Variants in ARMC9 observed in about 807,000 individuals in gnomAD.
ARMC9 encodes the protein lisH domain-containing protein ARMC9.
In ARMC9, 94 loss-of-function variants were observed where a neutral mutation model predicts 107.0. The observed-to-expected ratio is 0.88, with a 90% CI of 0.74 to 1.04. The LOEUF (loss-of-function observed/expected upper bound fraction) is 1.04. Ranked by LOEUF, ARMC9 falls within the 50% of genes least tolerant of loss-of-function variation. The pLI, the probability that ARMC9 is intolerant of heterozygous loss-of-function variation, is 0.00. For synonymous variants in ARMC9, 380 were observed against 396.9 expected (o/e 0.96, Z 0.51); for missense variants, 942 against 1,030.1 (o/e 0.91, Z 1.17).
intron 12 of ARMC9, among the ~76,000 whole-genome samples, chr2:231,263,705 A>G (rs191884202): frequency 6.6e-6 from 1 of 152,296 alleles, no homozygotes; most frequent in Admixed American, 6.5e-5. Flanking sequence ...TTGCCAGTTT[A>G]CTCTGTGAAT....
At chr2:231,282,764 T>C (rs1176488383) in intron 17 of ARMC9, among the ~76,000 whole-genome samples, 2 of 152,252 alleles carry the variant, frequency 1.3e-5, no homozygotes, top group Non-Finnish European at 2.9e-5. Flanking sequence ...AATCTTCTCA[T>C]TGATCATTTA....
chr2:231,276,915 C>A, intron 15 of ARMC9, 140 bp downstream of exon 15: 1 of 1,244,808 alleles, frequency 8.0e-7, no homozygotes, highest in Non-Finnish European at 1.1e-6. Flanking sequence ...AAAGCATTTC[C>A]AACTAGGTAT....
chr2:231,333,615 G>A (rs6719593), intron 20 of ARMC9, among the ~76,000 whole-genome samples: 31,960 of 152,208 alleles, frequency 0.21, 9,134 homozygotes, highest in African/African-American at 0.65. Context: ...CTTTGGAAGA[G>A]CGCTGGTTTT....
Position 231,218,757 on chromosome 2 carries a change from GT to G in ARMC9, c.504+1975del, listed in dbSNP as rs201588911. On this transcript the variant is annotated intron_variant, in intron 5 of 24. Transcript: ENST00000611582. ...GTATACATAATCAAGTCAGTCTTTTGTTTTTTTTTTTGAGATGGAGTTTCAC... is the reference window on the plus strand; with the variant it reads ...GTATACATAATCAAGTCAGTCTTTTGTTTTTTTTTTGAGATGGAGTTTCAC... Among the ~76,000 whole-genome samples the G allele has an allele frequency of 9.5e-3, 1,373 of 144,956 alleles. 6 individuals are homozygous for G. Among genetic ancestry groups the G allele is most frequent in the Non-Finnish European group, 0.015 (966 of 65,618 alleles).
intron 7 of ARMC9, among the ~76,000 whole-genome samples, chr2:231,231,805 C>T (rs2035249536): frequency 6.6e-6 from 1 of 151,902 alleles, no homozygotes; most frequent in African/African-American, 2.4e-5. Flanking sequence ...TGTCCTGCCT[C>T]AGCCTCCCAA....
intron 3 of ARMC9, among the ~76,000 whole-genome samples, chr2:231,214,121 A>C (rs1001023314): frequency 6.6e-6 from 1 of 152,248 alleles, no homozygotes; most frequent in Non-Finnish European, 1.5e-5. Context: ...ATGCTGAATC[A>C]TGATGCTGTC....
intron 19 of ARMC9, among the ~76,000 whole-genome samples, chr2:231,320,883 A>G (rs1364694272): frequency 6.6e-6 from 1 of 152,238 alleles, no homozygotes; most frequent in Non-Finnish European, 1.5e-5. Flanking sequence ...AAGCCTCTCT[A>G]TACCTGCCAG....
intron 10 of ARMC9, among the ~76,000 whole-genome samples, chr2:231,257,917 G>A (rs544771155): frequency 2.6e-5 from 4 of 152,196 alleles, no homozygotes; most frequent in South Asian, 4.2e-4. Context: ...ACGTGAAGAC[G>A]CTTGTTTTAG....
chr2:231,255,302 G>A lies in ARMC9; in HGVS notation c.880-1284G>A, dbSNP rs2037674794. On this transcript the variant is annotated intron_variant, in intron 9 of 24. Transcript: ENST00000611582. This position sits in a 1 kb window ranked among gnomAD's most constrained non-coding sequence, Gnocchi z 4.7. ...GATCAGGATTAAAAGAGAGTGGGGT[G>A]GAAGAGGGGTTGTTAATGTTTTTTA... Among the ~76,000 whole-genome samples, 1 of 152,050 alleles carries A rather than the reference G, an allele frequency of 6.6e-6. No homozygotes were observed. The highest frequency in any genetic ancestry group is 6.6e-5 in the Admixed American group (1 of 15,256).
rs2046035242 is a variant in ARMC9, at chr2:231,371,918, G to A, written c.*383G>A. The A allele has an allele frequency of 4.9e-6, 1 of 205,578 alleles. No individual in the cohort carries two copies. The highest frequency in any genetic ancestry group is 6.0e-5 in the Admixed American group (1 of 16,786). The allele number at this position is 205,578 out of a possible 1,614,324, so 12.7% of individuals were successfully genotyped here. A position where few individuals can be genotyped will look rare whatever the true frequency, so the allele number is the denominator to read the frequency against. The stretch of plus-strand genomic sequence containing the variant: ...AGGCCCCAACAGGGCGACAGTGTAG[G>A]GCCAGCCTGGAGCAGGGCTTTTCCA... On this transcript the variant is annotated 3_prime_UTR_variant, in exon 25 of 25. Transcript: ENST00000611582.
At chr2:231,249,194 G>T (rs1022281752) in intron 9 of ARMC9, among the ~76,000 whole-genome samples, 2 of 152,068 alleles carry the variant, frequency 1.3e-5, no homozygotes, top group Non-Finnish European at 2.9e-5. Flanking sequence ...TTAGAGCAGC[G>T]TTTTCCAAAG....
intron 17 of ARMC9, among the ~76,000 whole-genome samples, chr2:231,282,755 A>G (rs1282621150): frequency 6.6e-6 from 1 of 152,260 alleles, no homozygotes; most frequent in Non-Finnish European, 1.5e-5. Context: ...GAATTGCTAA[A>G]TCTTCTCATT....
intron 6 of ARMC9, among the ~76,000 whole-genome samples, chr2:231,223,658 A>G (rs2034364368): frequency 6.6e-6 from 1 of 152,118 alleles, no homozygotes. Flanking sequence ...AAAGCATTTG[A>G]CTTTCTTGAC....
intron 5 of ARMC9, among the ~76,000 whole-genome samples, chr2:231,220,577 A>G (rs2034015978): frequency 6.7e-6 from 1 of 148,796 alleles, no homozygotes; most frequent in Admixed American, 6.8e-5. Context: ...AGTTTGGGCA[A>G]CAGAGCGAGA....
At chr2:231,240,121 GA>G (rs2036159875) in intron 9 of ARMC9, 80 bp downstream of exon 9, 2 of 1,216,632 alleles carry the variant, frequency 1.6e-6, no homozygotes, top group African/African-American at 1.5e-5. Context: ...AAAATAGCAT[GA>G]AAAAATAACA....
intron 9 of ARMC9, 25 bp downstream of exon 9, chr2:231,240,066 G>T (rs1460696726): frequency 1.9e-6 from 3 of 1,583,246 alleles, no homozygotes; most frequent in Non-Finnish European, 2.6e-6. Context: ...TCAGGGCAGG[G>T]TGCCCGTGGT....
chr2:231,361,666 G>T (rs547724967), intron 23 of ARMC9, among the ~76,000 whole-genome samples: 49 of 152,138 alleles, frequency 3.2e-4, no homozygotes, highest in African/African-American at 1.1e-3. Context: ...GCCTGGCCTG[G>T]GTCTCAGACC....
chr2:231,332,195 C>T, intron 20 of ARMC9, among the ~76,000 whole-genome samples: 1 of 152,202 alleles, frequency 6.6e-6, no homozygotes, highest in East Asian at 1.9e-4. Flanking sequence ...CCTACCATCC[C>T]ACTTTTTAAT....
intron 19 of ARMC9, among the ~76,000 whole-genome samples, chr2:231,298,032 T>A (rs1257646977): frequency 3.3e-5 from 5 of 152,222 alleles, no homozygotes; most frequent in Non-Finnish European, 5.9e-5. Context: ...TTTCTGGAAA[T>A]TTCATTCTGA....
Sources: allele counts gnomAD v4.1 joint callset (sites outside exome capture counted in the v4.1 genomes callset), GRCh38; gene constraint gnomAD v4.1.1; non-coding constraint Gnocchi (gnomAD v3.1); transcripts MANE v1.5; gene names NCBI Gene and HGNC (gene_info 2026-07-23, HGNC 2026-07-21).